The following TIMM50 variants were observed in gnomAD, a reference collection of about 807,000 sequenced individuals.
TIMM50 encodes translocase of inner mitochondrial membrane 50.
A neutral mutation model predicts 49.6 loss-of-function variants in TIMM50; 34 were observed. That is an observed-to-expected ratio of 0.69 (90% CI 0.52 to 0.91). The LOEUF (loss-of-function observed/expected upper bound fraction) is 0.91, where lower values mean the gene tolerates loss of function less well. TIMM50 is among the 40% of genes least tolerant of loss of function. TIMM50 has a pLI of 0.00. For synonymous variants in TIMM50, 199 were observed against 198.4 expected (o/e 1.00, Z -0.03); for missense variants, 458 against 477.8 (o/e 0.96, Z 0.39).
intron 1 of TIMM50, 96 bp from the exon 2 acceptor site, chr19:39,481,787 C>T (rs1442074862): frequency 1.3e-6 from 2 of 1,485,926 alleles, no homozygotes; most frequent in African/African-American, 2.8e-5. Context: ...GGGTGTCTGC[C>T]TCTTGGCTCC....
At chr19:39,481,203 C>A (rs2079468954) in intron 1 of TIMM50, 1 of 556,748 alleles carries the variant, frequency 1.8e-6, no homozygotes, top group Admixed American at 3.7e-5. Flanking sequence ...GAGGGGGTTA[C>A]CGTTCCCCGT....
chr19:39,486,462 C>T lies in TIMM50; in HGVS notation c.663C>T (p.Asp221=), dbSNP rs1303238327. The T allele has an allele frequency of 9.9e-6, 16 of 1,613,962 alleles. No homozygotes were observed. The highest frequency in any genetic ancestry group is 5.5e-5 in the South Asian group (5 of 91,084). Residue 221 remains aspartate, a synonymous_variant, in exon 8 of 11, where the codon GAC becomes GAT. Coordinates refer to ENST00000607714, the MANE Select transcript of TIMM50 (RefSeq NM_001001563.5). The part of the protein sequence containing the change: ...HGFISYRLFR[D]ATRYMDGHHV... ...TCATCTCCTACCGCCTATTCCGGGACGCCACAAGATACATGGATGGACACC... is the reference window on the plus strand; with the variant it reads ...TCATCTCCTACCGCCTATTCCGGGATGCCACAAGATACATGGATGGACACC...
Position 39,488,128 on chromosome 19 carries a change from G to A in TIMM50, c.764G>A (p.Arg255His), listed in dbSNP as rs771014866. ...VVVDCKKEAF[R>H]LQPYNGVALR... ...GTGGACTGCAAGAAGGAAGCCTTCC[G>A]CCTGCAGCCCTATAACGGCGTTGCC... Residue 255 changes from arginine to histidine, a missense_variant, in exon 9 of 11, where the codon CGC (arginine) becomes CAC (histidine). Transcript: ENST00000607714. The A allele has an allele frequency of 1.5e-5, 24 of 1,613,898 alleles. No homozygotes were observed. The highest frequency in any genetic ancestry group is 1.9e-5 in the Non-Finnish European group (22 of 1,179,906).
Position 39,482,913 on chromosome 19 carries a change from CA to C in TIMM50, c.290del (p.Lys97ArgfsTer29). ...GNNPVDENGA[K>X]IPDEFDNDPI... ...ACAACCCGGTGGACGAAAATGGTGCCAAGGTGAGGGGGAAAGAGACCGAGGC... is the reference window on the plus strand; with the variant it reads ...ACAACCCGGTGGACGAAAATGGTGCCAGGTGAGGGGGAAAGAGACCGAGGC... On this transcript the variant is annotated frameshift_variant and splice_region_variant, in exon 3 of 11. Coordinates refer to ENST00000607714, the MANE Select transcript of TIMM50 (RefSeq NM_001001563.5). LOFTEE classifies it high-confidence loss of function. The C allele has an allele frequency of 6.2e-7, 1 of 1,614,076 alleles. No individual in the cohort carries two copies. Among genetic ancestry groups the C allele is most frequent in the Non-Finnish European group, 8.5e-7 (1 of 1,180,014 alleles).
At chr19:39,487,868 AGGC>A (rs2079517894) in intron 8 of TIMM50, 190 bp from the exon 9 acceptor site, 14 of 702,736 alleles carry the variant, frequency 2.0e-5, no homozygotes, top group Non-Finnish European at 3.1e-5. Context: ...CTGGGATTAC[AGGC>A]GTGAGCCACC....
chr19:39,489,233 A>G (rs2079528023), intron 10 of TIMM50, among the ~76,000 whole-genome samples: 1 of 151,894 alleles, frequency 6.6e-6, no homozygotes, highest in Non-Finnish European at 1.5e-5. Context: ...GAGAGGGGTC[A>G]TGGGGCTCAG....
chr19:39,481,183 GCCGGA>G, intron 1 of TIMM50: 2 of 589,846 alleles, frequency 3.4e-6, no homozygotes, highest in Non-Finnish European at 5.7e-6. Context: ...CCACGTGGGT[GCCGGA>G]GGAGGAGGGG....
In TIMM50 at chr19:39,485,712, T is replaced by TG. The variant is rs2079500399; in HGVS notation, c.398dup (p.Cys133TrpfsTer30). On this transcript the variant is annotated frameshift_variant, in exon 6 of 11. Coordinates refer to ENST00000607714, the MANE Select transcript of TIMM50 (RefSeq NM_001001563.5). LOFTEE classifies it high-confidence loss of function. ...GATGATCATCGAGCCCACCAGCCCT[T>TG]GCCTTCTCCCAGACCCTCTGCAGGA... 2 of 1,613,970 alleles carry TG rather than the reference T, an allele frequency of 1.2e-6. No individual in the cohort carries two copies. Among genetic ancestry groups the TG allele is most frequent in the Non-Finnish European group, 1.7e-6 (2 of 1,180,034 alleles).
intron 8 of TIMM50, 77 bp from the exon 9 acceptor site, chr19:39,487,984 G>C (rs1215228027): frequency 1.4e-6 from 2 of 1,408,898 alleles, no homozygotes; most frequent in Admixed American, 1.9e-5. Context: ...ATGTATGTAT[G>C]TTTTGTGTGT....
At chr19:39,482,659 CAAAAAAAAA>C (rs202217358) in intron 2 of TIMM50, among the ~76,000 whole-genome samples, 3 of 125,434 alleles carry the variant, frequency 2.4e-5, no homozygotes, top group African/African-American at 9.0e-5. Flanking sequence ...GACTCTGTCT[CAAAAAAAAA>C]AAAAAAAATC....
rs751160953 is a variant in TIMM50, at chr19:39,486,264, T to TG, written c.571dup (p.Val191GlyfsTer16). ...AGCAGCTTGCCCCTTTATATGAAAT[T>TG]GTCATCTTTACGTCAGAGACTGGCA... is the stretch of plus-strand genomic sequence containing the variant. On this transcript the variant is annotated frameshift_variant, in exon 7 of 11. Coordinates refer to ENST00000607714, the MANE Select transcript of TIMM50 (RefSeq NM_001001563.5). LOFTEE classifies it high-confidence loss of function. 1.9e-6 allele frequency: 3 copies of TG among 1,613,912 alleles called. No homozygotes were observed. Among genetic ancestry groups the TG allele is most frequent in the Non-Finnish European group, 2.5e-6 (3 of 1,180,020 alleles).
rs905176420 is a variant in TIMM50 at position 39,489,989 on chromosome 19, C to A, written c.*169C>A. On this transcript the variant is annotated 3_prime_UTR_variant, in exon 11 of 11. Coordinates refer to ENST00000607714, the MANE Select transcript of TIMM50 (RefSeq NM_001001563.5). Reference sequence around the variant, plus strand: ...GTGAGGTCCGGGACTCTTGGGTCATCGTCCCACAGTGGCTGATCGGCTGCC... The same window carrying A: ...GTGAGGTCCGGGACTCTTGGGTCATAGTCCCACAGTGGCTGATCGGCTGCC... 5 of 654,002 alleles carry A rather than the reference C, an allele frequency of 7.6e-6. No homozygotes were observed. Among genetic ancestry groups the A allele is most frequent in the Non-Finnish European group, 7.9e-6 (3 of 380,384 alleles). The allele number at this position is 654,002 out of a possible 1,614,324, so 40.5% of individuals were successfully genotyped here. A position where few individuals can be genotyped will look rare whatever the true frequency, so the allele number is the denominator to read the frequency against.
intron 10 of TIMM50, 147 bp from the exon 11 acceptor site, chr19:39,489,572 C>T: frequency 1.4e-6 from 1 of 739,536 alleles, no homozygotes; most frequent in Non-Finnish European, 2.1e-6. Flanking sequence ...GGGCTGGGGG[C>T]CCCAGGGTTT....
intron 10 of TIMM50, 101 bp from the exon 11 acceptor site, chr19:39,489,618 G>T: frequency 8.6e-7 from 1 of 1,159,084 alleles, no homozygotes. Flanking sequence ...AAGTCAGAAG[G>T]AAAGGTGGTC....
chr19:39,483,237 T>C (rs910486122), intron 4 of TIMM50, 81 bp downstream of exon 4: 6 of 1,580,562 alleles, frequency 3.8e-6, no homozygotes, highest in Non-Finnish European at 5.2e-6. Context: ...CCCCATCTGG[T>C]GTCTCCGGCC....
At chr19:39,483,837 A>G (rs2079487963) in intron 4 of TIMM50, among the ~76,000 whole-genome samples, 1 of 152,096 alleles carries the variant, frequency 6.6e-6, no homozygotes. Flanking sequence ...AACTGGTTTC[A>G]ATATTGTGGT....
In TIMM50 at chr19:39,483,134, G is replaced by C; in HGVS notation, c.292-1G>C. 1 of 1,614,112 alleles carries C rather than the reference G, an allele frequency of 6.2e-7. No homozygotes were observed. Among genetic ancestry groups the C allele is most frequent in the South Asian group, 1.1e-5 (1 of 91,076 alleles). ...CTTCCATTTTTCTCTCTACCTCCCA[G>C]ATTCCTGATGAGTTCGACAATGGTG... is the stretch of plus-strand genomic sequence containing the variant. On this transcript the variant is annotated splice_acceptor_variant, in intron 3 of 10. Coordinates refer to ENST00000607714, the MANE Select transcript of TIMM50 (RefSeq NM_001001563.5). LOFTEE classifies it high-confidence loss of function.
At position 39,481,928 on chromosome 19, in the gene TIMM50, C is replaced by A. The variant is rs768356330; in HGVS notation, c.154C>A (p.Gln52Lys). 1 of 1,614,160 alleles carries A rather than the reference C, an allele frequency of 6.2e-7. No individual in the cohort carries two copies. Among genetic ancestry groups the A allele is most frequent in the Non-Finnish European group, 8.5e-7 (1 of 1,180,042 alleles). Residue 52 changes from glutamine to lysine, a missense_variant, in exon 2 of 11, where the codon CAG becomes AAG. Coordinates refer to ENST00000607714, the MANE Select transcript of TIMM50 (RefSeq NM_001001563.5). Reference sequence around the variant, plus strand: ...CGGGAGCACTAAGGCGCAAGGGCCACAGCAGCAGCCGGGCTCAGAGGGTCC... The same window carrying A: ...CGGGAGCACTAAGGCGCAAGGGCCAAAGCAGCAGCCGGGCTCAGAGGGTCC... The part of the protein sequence containing the change: ...SRGSTKAQGP[Q>K]QQPGSEGPSY...
At chr19:39,488,724 C>CCAAGAGTGTGGAGA in intron 10 of TIMM50, 79 bp downstream of exon 10, 2 of 1,197,354 alleles carry the variant, frequency 1.7e-6, no homozygotes, top group Non-Finnish European at 2.5e-6. Context: ...CATCTCCACA[C>CCAAGAGTGTGGAGA]TCTTGGTTTG....
Sources: allele counts gnomAD v4.1 joint callset (sites outside exome capture counted in the v4.1 genomes callset), GRCh38; gene constraint gnomAD v4.1.1; transcripts MANE v1.5; gene names NCBI Gene and HGNC (gene_info 2026-07-23, HGNC 2026-07-21).